MMP16: variants seen among roughly 807,000 people sequenced by gnomAD.
The protein encoded by MMP16 is matrix metalloproteinase-16.
MMP16 carries 12 observed loss-of-function variants against 67.8 expected under a neutral mutation model. That is an observed-to-expected ratio of 0.18 (90% CI 0.11 to 0.29). MMP16 has a LOEUF of 0.29. Among genes scored for constraint, MMP16 ranks in the 10% least tolerant of loss-of-function variants. MMP16 has a pLI of 1.00. For missense variants in MMP16, 475 were observed against 765.7 expected (o/e 0.62, Z 4.48); for synonymous variants, 249 against 255.9 (o/e 0.97, Z 0.26).
chr8:88,256,084 C>CT (rs926346267), intron 1 of MMP16, among the ~76,000 whole-genome samples: 3 of 152,072 alleles, frequency 2.0e-5, no homozygotes, highest in Admixed American at 6.6e-5. Context: ...CTATTTTCAG[C>CT]TTTTTTTCTA....
chr8:88,255,368 T>C (rs1810285887), intron 1 of MMP16, among the ~76,000 whole-genome samples: 1 of 152,194 alleles, frequency 6.6e-6, no homozygotes, highest in Non-Finnish European at 1.5e-5. Flanking sequence ...CCACACTTCC[T>C]GTACAACCTG....
In MMP16 at chr8:88,259,138, G is replaced by A. The variant is rs147162124; in HGVS notation, c.133-61832C>T. On this transcript the variant is annotated intron_variant, in intron 1 of 9. Transcript: ENST00000286614. ...TAACTGAACTGTCATTTGAACCCACGTCTGTGTAACTCCAGAGGTAAGATT... is the reference window on the plus strand; with the variant it reads ...TAACTGAACTGTCATTTGAACCCACATCTGTGTAACTCCAGAGGTAAGATT... Among the ~76,000 whole-genome samples the A allele has an allele frequency of 1.7e-3, 253 of 152,188 alleles. 2 individuals carry two copies. The highest frequency in any genetic ancestry group is 0.01 in the Middle Eastern group (3 of 292).
intron 4 of MMP16, among the ~76,000 whole-genome samples, chr8:88,148,268 C>T (rs554203848): frequency 6.6e-6 from 1 of 152,040 alleles, no homozygotes; most frequent in South Asian, 2.1e-4. Flanking sequence ...TAAAAGATAT[C>T]CTATTTTAAT....
chr8:88,154,767 A>T (rs1388427924), intron 4 of MMP16, among the ~76,000 whole-genome samples: 3 of 149,506 alleles, frequency 2.0e-5, no homozygotes, highest in Admixed American at 2.0e-4. Flanking sequence ...ACCTAAGGCT[A>T]GATGACGAGT....
intron 1 of MMP16, among the ~76,000 whole-genome samples, chr8:88,213,923 C>G (rs2129824942): frequency 6.6e-6 from 1 of 152,208 alleles, no homozygotes; most frequent in Middle Eastern, 3.4e-3. Context: ...AATGATCTAC[C>G]TATTCTAATC....
intron 1 of MMP16, among the ~76,000 whole-genome samples, chr8:88,270,886 A>C (rs76002452): frequency 0.024 from 3,595 of 152,320 alleles, 144 homozygotes; most frequent in African/African-American, 0.082. Flanking sequence ...ATCGCAACCC[A>C]AACAAGTTCC....
chr8:88,277,989 A>T (rs1234243894), intron 1 of MMP16, among the ~76,000 whole-genome samples: 3 of 152,240 alleles, frequency 2.0e-5, no homozygotes, highest in Non-Finnish European at 4.4e-5. Context: ...TTTATTTGGC[A>T]TCTTCGATGA....
chr8:88,125,758 T>G (rs1807920898), intron 4 of MMP16, among the ~76,000 whole-genome samples: 1 of 151,920 alleles, frequency 6.6e-6, no homozygotes, highest in African/African-American at 2.4e-5. Context: ...TGTTTCCGAT[T>G]GAGCTCAGTT....
chr8:88,238,844 G>T (rs1057065700), intron 1 of MMP16, among the ~76,000 whole-genome samples: 1 of 151,780 alleles, frequency 6.6e-6, no homozygotes, highest in African/African-American at 2.4e-5. Context: ...AAAAATTTTG[G>T]CTGGGTGCAG....
At chr8:88,155,529 C>T (rs1454543764) in intron 4 of MMP16, among the ~76,000 whole-genome samples, 2 of 152,016 alleles carry the variant, frequency 1.3e-5, no homozygotes, top group East Asian at 3.9e-4. Context: ...GATATTTTTG[C>T]TATTATCTGT....
intron 4 of MMP16, among the ~76,000 whole-genome samples, chr8:88,129,974 T>A (rs948494044): frequency 1.3e-5 from 2 of 151,500 alleles, no homozygotes; most frequent in South Asian, 4.2e-4. Context: ...TGACAAAGAG[T>A]TATTTATTTT....
intron 7 of MMP16, among the ~76,000 whole-genome samples, chr8:88,070,043 T>C (rs1314697502): frequency 1.3e-5 from 2 of 152,184 alleles, no homozygotes; most frequent in Non-Finnish European, 2.9e-5. Context: ...TTCTGTTTTA[T>C]ATCAATCAGA....
chr8:88,253,535 G>A (rs985156161), intron 1 of MMP16, among the ~76,000 whole-genome samples: 1 of 151,994 alleles, frequency 6.6e-6, no homozygotes, highest in Admixed American at 6.6e-5. Context: ...GTCTAATCAT[G>A]AGAAAAACAT....
intron 2 of MMP16, among the ~76,000 whole-genome samples, chr8:88,190,463 T>C (rs1420252382): frequency 6.6e-6 from 1 of 152,196 alleles, no homozygotes; most frequent in Non-Finnish European, 1.5e-5. Context: ...GAATGCTCAG[T>C]GTTTAACAGG....
chr8:88,052,259 CT>C (rs1173385156), intron 8 of MMP16, among the ~76,000 whole-genome samples: 1 of 152,074 alleles, frequency 6.6e-6, no homozygotes, highest in Non-Finnish European at 1.5e-5. Flanking sequence ...CCCAATATTC[CT>C]TTCTGTGTCT....
At chr8:88,057,552 T>C (rs1808347011) in intron 7 of MMP16, among the ~76,000 whole-genome samples, 1 of 152,108 alleles carries the variant, frequency 6.6e-6, no homozygotes, top group Non-Finnish European at 1.5e-5. Flanking sequence ...TGTCCCAACG[T>C]CCTTTCTACA....
At chr8:88,258,960 TA>T (rs1215512249) in intron 1 of MMP16, among the ~76,000 whole-genome samples, 2 of 152,178 alleles carry the variant, frequency 1.3e-5, no homozygotes, top group Non-Finnish European at 2.9e-5. Context: ...GAAATCACCA[TA>T]AAAATCCCAA....
intron 1 of MMP16, among the ~76,000 whole-genome samples, chr8:88,272,123 T>C (rs1054858997): frequency 2.0e-5 from 3 of 152,184 alleles, no homozygotes; most frequent in African/African-American, 7.2e-5. Flanking sequence ...CATGAATATG[T>C]GCATGCGAGT....
intron 1 of MMP16, among the ~76,000 whole-genome samples, chr8:88,286,013 G>A (rs1351516458): frequency 3.3e-5 from 5 of 152,138 alleles, no homozygotes; most frequent in African/African-American, 1.2e-4. Flanking sequence ...CATTTGGGTT[G>A]AGTGTATCAT....
Sources: gnomAD v4.1 joint callset for allele counts (sites outside exome capture counted in the v4.1 genomes callset) on GRCh38, gnomAD v4.1.1 for gene constraint, MANE v1.5 for transcripts, NCBI Gene and HGNC (gene_info 2026-07-23, HGNC 2026-07-21) for gene names.